The following VCAM1 variants were observed in gnomAD, a reference collection of about 807,000 sequenced individuals.
The protein encoded by VCAM1 is vascular cell adhesion protein 1.
VCAM1 carries 41 observed loss-of-function variants against 63.8 expected under a neutral mutation model. The observed-to-expected ratio is 0.64, with a 90% CI of 0.50 to 0.83. VCAM1 has a LOEUF of 0.83. VCAM1 is among the 40% of genes least tolerant of loss of function. VCAM1 has a pLI of 0.00. For synonymous variants in VCAM1, 338 were observed against 320.7 expected, an observed-to-expected ratio of 1.05 and a Z score of -0.58; for missense variants, 798 against 875.5, an observed-to-expected ratio of 0.91 and a Z score of 1.12.
chr1:100,727,338 G>A (rs964374221), intron 4 of VCAM1, among the ~76,000 whole-genome samples: 1 of 151,918 alleles, frequency 6.6e-6, no homozygotes, highest in Non-Finnish European at 1.5e-5. Flanking sequence ...TGAAAACATG[G>A]TATTTAAACT....
At chr1:100,724,528 AT>A in intron 3 of VCAM1, 95 bp from the exon 4 acceptor site, 1 of 1,417,476 alleles carries the variant, frequency 7.1e-7, no homozygotes, top group Non-Finnish European at 9.6e-7. Context: ...ATTTCATCAA[AT>A]TGGTGGAAGC....
chr1:100,724,942 G>A (rs888977800), intron 4 of VCAM1, 52 bp downstream of exon 4: 27 of 1,590,208 alleles, frequency 1.7e-5, no homozygotes, highest in Non-Finnish European at 2.2e-5. Flanking sequence ...TGGGATTTGA[G>A]CAATAGTCAA....
In VCAM1 at chr1:100,734,788, T is replaced by C; in HGVS notation, c.2059+20T>C. On this transcript the variant is annotated intron_variant, in intron 8 of 8. Transcript: ENST00000294728. Reference sequence around the variant, plus strand: ...TTCAAGGTGAGTTTGTTTTGAGTTTTTGTTTTCTTGGTAATAGTTCAGAGG... The same window carrying C: ...TTCAAGGTGAGTTTGTTTTGAGTTTCTGTTTTCTTGGTAATAGTTCAGAGG... The C allele has an allele frequency of 6.2e-7, 1 of 1,610,696 alleles. No homozygotes were observed.
intron 2 of VCAM1, among the ~76,000 whole-genome samples, chr1:100,721,463 A>G (rs1235298280): frequency 6.6e-6 from 1 of 152,080 alleles, no homozygotes; most frequent in Non-Finnish European, 1.5e-5. Context: ...CATTCAGCAA[A>G]CAAAGTTAGC....
rs1659881286 is a variant in VCAM1, at chr1:100,719,742, G to A, written c.-119G>A. 2.2e-6 allele frequency: 2 copies of A among 905,686 alleles called. No individual in the cohort carries two copies. Among genetic ancestry groups the A allele is most frequent in the Non-Finnish European group, 1.7e-6 (1 of 600,570 alleles). 56.1% of individuals were successfully genotyped at this position (905,686 alleles called of 1,614,324 possible). A position where few individuals can be genotyped will look rare whatever the true frequency, so the allele number is the denominator to read the frequency against. On this transcript the variant is annotated 5_prime_UTR_variant, in exon 1 of 9. Transcript: ENST00000294728. The stretch of plus-strand genomic sequence containing the variant: ...AAGCACAGACTTTCTATTTCACTCC[G>A]CGGTATCTGCATCGGGCCTCACTGG...
intron 7 of VCAM1, among the ~76,000 whole-genome samples, chr1:100,733,612 T>A (rs1660543805): frequency 6.6e-6 from 1 of 152,242 alleles, no homozygotes; most frequent in East Asian, 1.9e-4. Context: ...GATTAAAAAT[T>A]GGTGATATGG....
At position 100,729,253 on chromosome 1, in the gene VCAM1, GT is replaced by G. The variant is rs1557904711; in HGVS notation, c.1076del (p.Val359GlyfsTer10). On this transcript the variant is annotated frameshift_variant, in exon 5 of 9. Coordinates refer to ENST00000294728, the MANE Select transcript of VCAM1 (RefSeq NM_001078.4). LOFTEE classifies it high-confidence loss of function. Reference sequence around the variant, plus strand: ...GATAGACAGCCCTCTGAGCGGGAAGGTGAGGAGTGAGGGGACCAATTCCACG... The same window carrying G: ...GATAGACAGCCCTCTGAGCGGGAAGGGAGGAGTGAGGGGACCAATTCCACG... ...TQIDSPLSGK[V>X]RSEGTNSTLT... is the part of the protein sequence containing the mutation. The G allele has an allele frequency of 6.2e-7, 1 of 1,613,576 alleles. No individual in the cohort carries two copies. The highest frequency in any genetic ancestry group is 8.5e-7 in the Non-Finnish European group (1 of 1,179,706).
Position 100,738,451 on chromosome 1 carries a change from G to A in VCAM1, c.*168G>A. ...CCCTTGCTGTGAGCAAGAAGTCAAA[G>A]TAAAACTTGCTGCCTGAAGAACAGT... On this transcript the variant is annotated 3_prime_UTR_variant, in exon 9 of 9. Transcript: ENST00000294728. 1.5e-6 allele frequency: 1 copy of A among 673,956 alleles called. No homozygotes were observed. The highest frequency in any genetic ancestry group is 2.3e-6 in the Non-Finnish European group (1 of 438,086). The allele number at this position is 673,956 out of a possible 1,614,324, so 41.7% of individuals were successfully genotyped here. A position where few individuals can be genotyped will look rare whatever the true frequency, so the allele number is the denominator to read the frequency against.
chr1:100,728,533 G>A (rs1660263672), intron 4 of VCAM1, among the ~76,000 whole-genome samples: 1 of 151,880 alleles, frequency 6.6e-6, no homozygotes, highest in East Asian at 1.9e-4. Flanking sequence ...GACCCACCTG[G>A]CATCAAGTCC....
intron 6 of VCAM1, 44 bp from the exon 7 acceptor site, chr1:100,732,374 C>T (rs1660490700): frequency 6.7e-7 from 1 of 1,490,674 alleles, no homozygotes; most frequent in African/African-American, 1.4e-5. Context: ...CTTTGGAACT[C>T]AGGGCATAAT....
intron 6 of VCAM1, 118 bp from the exon 7 acceptor site, chr1:100,732,300 C>A: frequency 1.9e-6 from 2 of 1,077,250 alleles, no homozygotes; most frequent in Non-Finnish European, 2.6e-6. Context: ...GGTGAATTAT[C>A]AAGGTTTACA....
chr1:100,720,438 AGTGGTAAATTTGCTT>A (rs1557900806), intron 1 of VCAM1, 23 bp from the exon 2 acceptor site: 1 of 1,589,636 alleles, frequency 6.3e-7, no homozygotes, highest in Admixed American at 1.7e-5. Context: ...TAGACAAACT[AGTGGTAAATTTGCTT>A]CTGTCTTTTT....
At chr1:100,735,918 G>T (rs915025481) in intron 8 of VCAM1, 2 of 152,190 alleles carry the variant, frequency 1.3e-5, no homozygotes, top group East Asian at 1.9e-4. Context: ...TGATTCAGGG[G>T]TATATGTAAT....
chr1:100,725,567 A>G (rs1660133345), intron 4 of VCAM1, among the ~76,000 whole-genome samples: 1 of 152,026 alleles, frequency 6.6e-6, no homozygotes, highest in Admixed American at 6.6e-5. Context: ...AATATTTCCC[A>G]GGAATTCTGT....
intron 4 of VCAM1, among the ~76,000 whole-genome samples, chr1:100,725,100 C>G (rs904200478): frequency 1.3e-5 from 2 of 151,834 alleles, no homozygotes; most frequent in African/African-American, 4.8e-5. Context: ...TTTTCTGATT[C>G]TTTTTCATCT....
intron 8 of VCAM1, chr1:100,736,305 T>TAGCTAAA (rs1321990772): frequency 6.6e-6 from 1 of 152,202 alleles, no homozygotes; most frequent in Non-Finnish European, 1.5e-5. Flanking sequence ...TAGTTTAAAC[T>TAGCTAAA]AGCTAAATTT....
At chr1:100,722,885 C>A in intron 2 of VCAM1, 135 bp from the exon 3 acceptor site, 1 of 978,448 alleles carries the variant, frequency 1.0e-6, no homozygotes, top group Non-Finnish European at 1.5e-6. Flanking sequence ...TCATGAAAGG[C>A]TATTCAAACA....
chr1:100,723,343 A>G lies in VCAM1; in HGVS notation c.661+3A>G. The G allele has an allele frequency of 6.2e-7, 1 of 1,611,286 alleles. No homozygotes were observed. Among genetic ancestry groups the G allele is most frequent in the Non-Finnish European group, 8.5e-7 (1 of 1,178,188 alleles). ...TGTAAAAGAATTGCAAGTCTACAGT[A>G]AGTACTTGTGCGATGTGTTCCAGTC... On this transcript the variant is annotated splice_donor_region_variant and intron_variant, in intron 3 of 8. Coordinates refer to ENST00000294728, the MANE Select transcript of VCAM1 (RefSeq NM_001078.4).
rs758077020 is a variant in VCAM1, at chr1:100,738,247, A to ATAT, written c.2185_2187dup (p.Tyr729dup). On this transcript the variant is annotated inframe_insertion, in exon 9 of 9. Coordinates refer to ENST00000294728, the MANE Select transcript of VCAM1 (RefSeq NM_001078.4). ...CAAGAAAAGCCAACATGAAGGGGTC[A>ATAT]TATAGTCTTGTAGAAGCACAGAAGT... The ATAT allele has an allele frequency of 5.9e-5, 96 of 1,613,750 alleles. No homozygotes were observed. The highest frequency in any genetic ancestry group is 7.9e-5 in the Non-Finnish European group (93 of 1,179,716).
Sources: gnomAD v4.1 joint callset for allele counts (sites outside exome capture counted in the v4.1 genomes callset) on GRCh38, gnomAD v4.1.1 for gene constraint, MANE v1.5 for transcripts, NCBI Gene and HGNC (gene_info 2026-07-23, HGNC 2026-07-21) for gene names.